Variants in DLG2 observed in about 807,000 individuals in gnomAD.
The protein encoded by DLG2 is disks large homolog 2.
Under a neutral mutation model 132.5 loss-of-function variants are expected in DLG2, and 45 were observed. The observed-to-expected ratio is 0.34, with a 90% CI of 0.27 to 0.44. The LOEUF (loss-of-function observed/expected upper bound fraction) is 0.44. Ranked by LOEUF, DLG2 falls within the 20% of genes least tolerant of loss-of-function variation. The pLI is 1.00. For missense variants in DLG2, 1,045 were observed against 1,196.9 expected (o/e 0.87, Z 1.87); for synonymous variants, 424 against 419.6 (o/e 1.01, Z -0.13).
In DLG2 at chr11:84,178,290, T is replaced by C. The variant is rs1434304793; in HGVS notation, c.574-14779A>G. 2.6e-5 allele frequency among the ~76,000 whole-genome samples: 4 copies of C among 152,294 alleles called. No individual in the cohort carries two copies. The South Asian group carries it at 8.3e-4, about 32-fold the overall frequency. ...TGGAAGTAGTCTAAGGTTGCAATAC[T>C]GGCTGGTGCAGTCAACATGCTGTCT... On this transcript the variant is annotated intron_variant, in intron 8 of 27. Transcript: ENST00000376104.
chr11:83,627,675 C>G (rs573967058), intron 19 of DLG2, among the ~76,000 whole-genome samples: 2 of 152,156 alleles, frequency 1.3e-5, no homozygotes, highest in African/African-American at 4.8e-5. Flanking sequence ...AATAAACATG[C>G]GTGTGCATGT....
chr11:84,471,971 A>G (rs992284023), intron 7 of DLG2, among the ~76,000 whole-genome samples: 42 of 151,780 alleles, frequency 2.8e-4, no homozygotes, highest in African/African-American at 1.0e-3. Flanking sequence ...AGGAAAAAAA[A>G]AGAAAGATAA....
chr11:84,951,658 C>A (rs2050939748), intron 6 of DLG2, among the ~76,000 whole-genome samples: 1 of 148,466 alleles, frequency 6.7e-6, no homozygotes. Flanking sequence ...TATATGCATT[C>A]TATATATATA....
chr11:85,244,884 C>T (rs1410315490), intron 4 of DLG2, among the ~76,000 whole-genome samples: 1 of 151,846 alleles, frequency 6.6e-6, no homozygotes, highest in Non-Finnish European at 1.5e-5. Flanking sequence ...GATCATGGGA[C>T]AATTTCTCAT....
intron 4 of DLG2, among the ~76,000 whole-genome samples, chr11:85,183,955 C>A (rs1036012748): frequency 6.6e-6 from 1 of 151,920 alleles, no homozygotes; most frequent in African/African-American, 2.4e-5. Flanking sequence ...TAAATTCCTA[C>A]CAAAAAATCT....
At chr11:84,531,280 C>A (rs1046630117) in intron 7 of DLG2, among the ~76,000 whole-genome samples, 4 of 152,054 alleles carry the variant, frequency 2.6e-5, no homozygotes, top group Non-Finnish European at 4.4e-5. Flanking sequence ...ACAATGAGTA[C>A]ATATGGATAC....
intron 9 of DLG2, among the ~76,000 whole-genome samples, chr11:84,149,973 G>A (rs1596177595): frequency 1.3e-5 from 2 of 152,162 alleles, no homozygotes; most frequent in East Asian, 3.9e-4. Context: ...GGTCAGGCTG[G>A]TCTCAAACTC....
intron 4 of DLG2, among the ~76,000 whole-genome samples, chr11:85,162,437 G>A (rs1019250177): frequency 1.3e-5 from 2 of 152,158 alleles, no homozygotes; most frequent in African/African-American, 2.4e-5. Flanking sequence ...CTTGCTGAAG[G>A]CAAAGGGAAT....
chr11:84,555,417 A>G (rs1363283009), intron 6 of DLG2, among the ~76,000 whole-genome samples: 1 of 151,576 alleles, frequency 6.6e-6, no homozygotes, highest in African/African-American at 2.4e-5. Flanking sequence ...TGAATAAATA[A>G]ACAAAATGTG....
intron 15 of DLG2, 58 bp downstream of exon 15, chr11:83,930,270 T>C: frequency 1.3e-6 from 2 of 1,591,574 alleles, no homozygotes; most frequent in South Asian, 2.2e-5. Flanking sequence ...TCTACCCATT[T>C]ATCCTTGTGG....
chr11:85,512,222 G>A (rs1234541615), intron 3 of DLG2, among the ~76,000 whole-genome samples: 2 of 151,958 alleles, frequency 1.3e-5, no homozygotes, highest in Admixed American at 1.3e-4. Context: ...CAATAACAAA[G>A]AACTCCAACC....
At chr11:84,720,854 A>G (rs2061747522) in intron 6 of DLG2, 1 of 151,876 alleles carries the variant, frequency 6.6e-6, no homozygotes, top group Admixed American at 6.6e-5. Flanking sequence ...GAAGAAGAAG[A>G]AGAAAACATA....
chr11:84,472,188 A>G (rs12271355), intron 7 of DLG2, among the ~76,000 whole-genome samples: 12,074 of 151,844 alleles, frequency 0.08, 1,597 homozygotes, highest in African/African-American at 0.28. Context: ...CATAAAAGCG[A>G]TTGGATCTCA....
intron 18 of DLG2, among the ~76,000 whole-genome samples, chr11:83,703,649 C>CA (rs139639525): frequency 2.2e-3 from 338 of 151,946 alleles, no homozygotes; most frequent in Middle Eastern, 0.01. Flanking sequence ...AACTCTGTCT[C>CA]AAAAAAAATC....
intron 14 of DLG2, among the ~76,000 whole-genome samples, chr11:83,950,886 C>A (rs7935274): frequency 0.013 from 2,019 of 152,248 alleles, 42 homozygotes; most frequent in African/African-American, 0.046. Context: ...GCATGTATCA[C>A]CTCTATTATA....
At chr11:85,462,748 A>G (rs1262407228) in intron 3 of DLG2, among the ~76,000 whole-genome samples, 2 of 152,022 alleles carry the variant, frequency 1.3e-5, no homozygotes, top group East Asian at 3.9e-4. Flanking sequence ...ACATGTATAC[A>G]TATGTAACAA....
At chr11:85,245,648 T>C (rs2076096601) in intron 4 of DLG2, among the ~76,000 whole-genome samples, 1 of 151,986 alleles carries the variant, frequency 6.6e-6, no homozygotes, top group African/African-American at 2.4e-5. Context: ...AAGATGTCAA[T>C]TTTCTGCTCA....
At chr11:84,336,253 A>G (rs559215086) in intron 7 of DLG2, among the ~76,000 whole-genome samples, 10 of 152,356 alleles carry the variant, frequency 6.6e-5, no homozygotes, top group African/African-American at 2.4e-4. Flanking sequence ...GTTAAATGCT[A>G]TCACAACTGG....
chr11:83,726,583 A>G (rs899475884), intron 18 of DLG2, among the ~76,000 whole-genome samples: 1 of 152,142 alleles, frequency 6.6e-6, no homozygotes, highest in African/African-American at 2.4e-5. Context: ...CAGGTATTCA[A>G]TCAAATCCCC....
Sources: gnomAD v4.1 joint callset for allele counts (sites outside exome capture counted in the v4.1 genomes callset) on GRCh38, gnomAD v4.1.1 for gene constraint, MANE v1.5 for transcripts, NCBI Gene and HGNC (gene_info 2026-07-23, HGNC 2026-07-21) for gene names.